Variants in ADGRB3 observed in about 807,000 individuals in gnomAD.
The protein encoded by ADGRB3 is brain-specific angiogenesis inhibitor 3.
A neutral mutation model predicts 193.4 loss-of-function variants in ADGRB3; 37 were observed. That is an observed-to-expected ratio of 0.19 (90% CI 0.15 to 0.25). The LOEUF (loss-of-function observed/expected upper bound fraction) is 0.25. Among genes scored for constraint, ADGRB3 ranks in the 10% least tolerant of loss-of-function variants. The pLI is 1.00. For missense variants in ADGRB3, 1,637 were observed against 1,852.9 expected, an observed-to-expected ratio of 0.88 and a Z score of 2.14; for synonymous variants, 690 against 644.2, an observed-to-expected ratio of 1.07 and a Z score of -1.08.
chr6:68,948,488 T>C (rs1767832049), intron 6 of ADGRB3, among the ~76,000 whole-genome samples: 1 of 152,106 alleles, frequency 6.6e-6, no homozygotes, highest in Non-Finnish European at 1.5e-5. Flanking sequence ...TATATAGATA[T>C]ATATACCCAA....
intron 20 of ADGRB3, among the ~76,000 whole-genome samples, chr6:69,298,052 G>A (rs1475158595): frequency 6.6e-6 from 1 of 151,962 alleles, no homozygotes; most frequent in African/African-American, 2.4e-5. Context: ...GGCACTCAGT[G>A]GTACTAAATT....
At chr6:69,250,214 G>A (rs991994590) in intron 20 of ADGRB3, among the ~76,000 whole-genome samples, 1 of 152,042 alleles carries the variant, frequency 6.6e-6, no homozygotes, top group Non-Finnish European at 1.5e-5. Flanking sequence ...TATCTGTTTT[G>A]TTGCCAATTA....
intron 3 of ADGRB3, among the ~76,000 whole-genome samples, chr6:68,832,441 GC>G (rs1767973603): frequency 6.6e-6 from 1 of 152,030 alleles, no homozygotes; most frequent in Non-Finnish European, 1.5e-5. Flanking sequence ...GAGGGTTCAT[GC>G]TCATTTCTGA....
chr6:68,744,112 A>T (rs1368773264), intron 3 of ADGRB3, among the ~76,000 whole-genome samples: 1 of 152,130 alleles, frequency 6.6e-6, no homozygotes, highest in Non-Finnish European at 1.5e-5. Context: ...AGAGATGGGG[A>T]AGAATAGAGC....
At chr6:69,320,994 T>A (rs1768444619) in intron 20 of ADGRB3, among the ~76,000 whole-genome samples, 1 of 151,768 alleles carries the variant, frequency 6.6e-6, no homozygotes, top group Admixed American at 6.6e-5. Context: ...CTTCAGAACT[T>A]CTGTGTCATC....
intron 20 of ADGRB3, among the ~76,000 whole-genome samples, chr6:69,284,607 A>G (rs1458174989): frequency 6.6e-6 from 1 of 152,132 alleles, no homozygotes; most frequent in Non-Finnish European, 1.5e-5. Context: ...TTCTAAAAGG[A>G]CTGGAAATGC....
intron 3 of ADGRB3, among the ~76,000 whole-genome samples, chr6:68,681,257 G>C (rs1384870266): frequency 1.3e-5 from 2 of 152,096 alleles, no homozygotes; most frequent in Non-Finnish European, 2.9e-5. Context: ...CAACATCATT[G>C]GGCATCAAAT....
intron 17 of ADGRB3, among the ~76,000 whole-genome samples, chr6:69,121,470 T>G (rs1220902850): frequency 1.3e-5 from 2 of 151,936 alleles, no homozygotes; most frequent in East Asian, 2.0e-4. Flanking sequence ...CCTTTTCTTT[T>G]CGACAAAACT....
rs541771591 is a variant in ADGRB3, at chr6:68,707,374, G to A, written c.757+67942G>A. ...CCAGGTACTTAAGAAACTCCTTTTC[G>A]GCAATATGTCCTGTTCTAGTGAGGT... On this transcript the variant is annotated intron_variant, in intron 3 of 31. Coordinates refer to ENST00000370598, the MANE Select transcript of ADGRB3 (RefSeq NM_001704.3). Among the ~76,000 whole-genome samples the A allele has an allele frequency of 7.6e-4, 115 of 152,096 alleles. 1 individual carries two copies. Among genetic ancestry groups the A allele is most frequent in the African/African-American group, 2.6e-3 (108 of 41,494 alleles).
chr6:69,096,409 T>G (rs550787835), intron 17 of ADGRB3, among the ~76,000 whole-genome samples: 3 of 150,530 alleles, frequency 2.0e-5, no homozygotes, highest in South Asian at 2.1e-4. Context: ...TCATCTTCTA[T>G]ATGCATCTAT....
At chr6:69,176,021 A>G (rs975686811) in intron 17 of ADGRB3, among the ~76,000 whole-genome samples, 4 of 152,208 alleles carry the variant, frequency 2.6e-5, no homozygotes, top group Non-Finnish European at 4.4e-5. Context: ...GTTGTTTATC[A>G]GTTCCCAGAG....
intron 11 of ADGRB3, among the ~76,000 whole-genome samples, chr6:69,005,963 T>C (rs756308740): frequency 6.6e-5 from 10 of 152,306 alleles, no homozygotes; most frequent in Admixed American, 5.9e-4. Flanking sequence ...CAGTGCTCAA[T>C]TGATGTGCTG....
chr6:69,347,417 A>G (rs949991281), intron 26 of ADGRB3, among the ~76,000 whole-genome samples: 2 of 152,170 alleles, frequency 1.3e-5, no homozygotes, highest in Non-Finnish European at 2.9e-5. Context: ...TATCCTTGTC[A>G]GCCTGATTGA....
chr6:69,118,875 A>T (rs1462841322), intron 17 of ADGRB3, among the ~76,000 whole-genome samples: 1 of 152,200 alleles, frequency 6.6e-6, no homozygotes, highest in African/African-American at 2.4e-5. Context: ...ATCTATATAT[A>T]GCAAAATTAC....
chr6:69,235,081 G>C lies in ADGRB3; in HGVS notation c.2657G>C (p.Gly886Ala), dbSNP rs1766231293. 2.5e-6 allele frequency: 4 copies of C among 1,613,340 alleles called. No individual in the cohort carries two copies. In the African/African-American group the frequency reaches 4.0e-5, roughly 16 times the overall value. Residue 886 changes from glycine to alanine, a missense_variant, in exon 19 of 32, where the codon GGT becomes GCT. Physicochemically the swap from Gly to Ala is moderately conservative, Grantham distance 60. Transcript: ENST00000370598. ...TPSVTLIVGS[G>A]LSCLALITLA... ...TCAGTTACCCTAATAGTAGGCAGTG[G>C]TCTTTCTTGCTTGGCCTTGATTACC...
chr6:68,919,863 C>T (rs1048632327), intron 3 of ADGRB3, among the ~76,000 whole-genome samples: 1 of 152,100 alleles, frequency 6.6e-6, no homozygotes, highest in South Asian at 2.1e-4. Context: ...TTAGAGGATA[C>T]TCTTTTGAGA....
At chr6:69,253,748 A>G (rs1021454226) in intron 20 of ADGRB3, among the ~76,000 whole-genome samples, 1 of 152,128 alleles carries the variant, frequency 6.6e-6, no homozygotes, top group African/African-American at 2.4e-5. Flanking sequence ...TGTTTTCTAA[A>G]GCAGAGTATT....
intron 3 of ADGRB3, among the ~76,000 whole-genome samples, chr6:68,792,839 T>C (rs76312145): frequency 0.023 from 3,506 of 152,238 alleles, 67 homozygotes; most frequent in South Asian, 0.074. Context: ...CTGGAGCAAA[T>C]GTCCAGGATT....
chr6:69,150,531 G>A (rs1774643838), intron 17 of ADGRB3, among the ~76,000 whole-genome samples: 1 of 152,140 alleles, frequency 6.6e-6, no homozygotes, highest in South Asian at 2.1e-4. Flanking sequence ...GCCCAGAACA[G>A]GTCCATAAAT....
Sources: gnomAD v4.1 joint callset for allele counts (sites outside exome capture counted in the v4.1 genomes callset) on GRCh38, gnomAD v4.1.1 for gene constraint, MANE v1.5 for transcripts, NCBI Gene and HGNC (gene_info 2026-07-23, HGNC 2026-07-21) for gene names.